Variants in RHEB observed in about 807,000 individuals in gnomAD.
RHEB encodes the protein Ras homolog, mTORC1 binding, also known as GTP-binding protein Rheb.
A neutral mutation model predicts 28.8 loss-of-function variants in RHEB; 2 were observed. That is an observed-to-expected ratio of 0.07 (90% confidence interval 0.03 to 0.22). The LOEUF (loss-of-function observed/expected upper bound fraction) is 0.22. RHEB is among the 10% of genes least tolerant of loss of function. RHEB has a pLI of 1.00. For synonymous variants in RHEB, 69 were observed against 77.3 expected (o/e 0.89, Z 0.56); for missense variants, 76 against 219.9 (o/e 0.35, Z 4.14).
Position 151,466,304 on chromosome 7 carries a change from T to C in RHEB, c.*815A>G, listed in dbSNP as rs1380217054. On this transcript the variant is annotated 3_prime_UTR_variant, in exon 8 of 8. Coordinates refer to ENST00000262187, the MANE Select transcript of RHEB (RefSeq NM_005614.4). ...GTTCTAGGACAGTGACAGGCAAGGC[T>C]GTTCTCAATCATCTCCTGTCTGACA... is the stretch of plus-strand genomic sequence containing the variant. The C allele has an allele frequency of 6.6e-6, 1 of 152,272 alleles. No individual in the cohort carries two copies. Among genetic ancestry groups the C allele is most frequent in the African/African-American group, 2.4e-5 (1 of 41,464 alleles). The allele number at this position is 152,272 out of a possible 1,614,324, so 9.4% of individuals were successfully genotyped here.
chr7:151,501,798 G>C, intron 1 of RHEB: 1 of 350,178 alleles, frequency 2.9e-6, no homozygotes, highest in Non-Finnish European at 5.5e-6. Context: ...AACACATGCA[G>C]TTGCCTGGTC....
chr7:151,492,324 GTGGTTGC>G (rs1441035095), intron 1 of RHEB, among the ~76,000 whole-genome samples: 1 of 152,144 alleles, frequency 6.6e-6, no homozygotes, highest in Non-Finnish European at 1.5e-5. Flanking sequence ...CTTAAAAGTA[GTGGTTGC>G]TGGCCGGGTG....
intron 2 of RHEB, among the ~76,000 whole-genome samples, chr7:151,489,467 C>A (rs1336897615): frequency 6.6e-6 from 1 of 152,198 alleles, no homozygotes; most frequent in Non-Finnish European, 1.5e-5. Flanking sequence ...AGGTTACTTT[C>A]AAAAATATTC....
At chr7:151,477,448 T>C in intron 3 of RHEB, 33 bp from the exon 4 acceptor site, 1 of 1,244,652 alleles carries the variant, frequency 8.0e-7, no homozygotes. Context: ...TTGAGTAGTC[T>C]TCATATAGCA....
chr7:151,484,023 A>G (rs1802424039), intron 3 of RHEB, among the ~76,000 whole-genome samples: 2 of 152,166 alleles, frequency 1.3e-5, no homozygotes, highest in Admixed American at 6.5e-5. Context: ...TATCAAATAA[A>G]TTGAAACTCC....
chr7:151,504,361 C>G (rs906557072), intron 1 of RHEB, among the ~76,000 whole-genome samples: 1 of 152,124 alleles, frequency 6.6e-6, no homozygotes, highest in African/African-American at 2.4e-5. Context: ...CCTTGGTATA[C>G]AAGGGGGACT....
chr7:151,466,898 A>T lies in RHEB; in HGVS notation c.*221T>A. The stretch of plus-strand genomic sequence containing the variant: ...TGGTCATAATATTAAGAAATACAAT[A>T]TATAAATTGAAAATATGATTGCTTA... On this transcript the variant is annotated 3_prime_UTR_variant, in exon 8 of 8. Coordinates refer to ENST00000262187, the MANE Select transcript of RHEB (RefSeq NM_005614.4). 1.1e-5 allele frequency: 5 copies of T among 452,276 alleles called. No individual in the cohort carries two copies. Among genetic ancestry groups the T allele is most frequent in the Non-Finnish European group, 1.2e-5 (3 of 251,108 alleles). 28.0% of individuals were successfully genotyped at this position (452,276 alleles called of 1,614,324 possible).
intron 2 of RHEB, 38 bp downstream of exon 2, chr7:151,490,905 G>A (rs764996805): frequency 6.9e-7 from 1 of 1,444,952 alleles, no homozygotes; most frequent in Non-Finnish European, 9.8e-7. Context: ...CACAAAAGAA[G>A]GCTTCTCAGT....
At position 151,472,632 on chromosome 7, in the gene RHEB, G is replaced by A. The variant is rs1197307548; in HGVS notation, c.276-1027C>T. Among the ~76,000 whole-genome samples the A allele has an allele frequency of 6.6e-6, 1 of 151,892 alleles. No individual in the cohort carries two copies. The highest frequency in any genetic ancestry group is 1.5e-5 in the Non-Finnish European group (1 of 67,998). On this transcript the variant is annotated intron_variant, in intron 4 of 7. Coordinates refer to ENST00000262187, the MANE Select transcript of RHEB (RefSeq NM_005614.4). This position sits in a 1 kb window ranked among gnomAD's most constrained non-coding sequence, Gnocchi z 5.2. ...CCCCTTCCGTACTTTATTTTTCTTG[G>A]CAGCATGGTCACAGACATCCTATCT...
intron 2 of RHEB, among the ~76,000 whole-genome samples, chr7:151,490,160 G>A (rs1802553657): frequency 6.6e-6 from 1 of 152,182 alleles, no homozygotes; most frequent in Non-Finnish European, 1.5e-5. Context: ...TCTCAAAGCT[G>A]GGCACAGTGT....
At chr7:151,480,219 T>C (rs183968935) in intron 3 of RHEB, among the ~76,000 whole-genome samples, 1 of 152,262 alleles carries the variant, frequency 6.6e-6, no homozygotes, top group Admixed American at 6.5e-5. Context: ...GGATGTTCAT[T>C]AAGGGACTGC....
rs73478507 is a variant in RHEB, at chr7:151,496,588, A to G, written c.53-5574T>C. Among the ~76,000 whole-genome samples the G allele has an allele frequency of 5.3e-3, 803 of 152,200 alleles. 8 individuals are homozygous for G. The highest frequency in any genetic ancestry group is 0.018 in the African/African-American group (760 of 41,508). On this transcript the variant is annotated intron_variant, in intron 1 of 7. Transcript: ENST00000262187. ...GGTCACAATGTAAAATGTGTTTCTT[A>G]CTAAGGTGGCTACAGACGAAAAGGT...
intron 6 of RHEB, 111 bp from the exon 7 acceptor site, chr7:151,470,763 C>A: frequency 1.5e-6 from 1 of 682,274 alleles, no homozygotes; most frequent in Non-Finnish European, 2.5e-6. Context: ...TCTCATGAAG[C>A]AGAACCATGC....
chr7:151,485,937 G>A (rs796116948), intron 2 of RHEB, among the ~76,000 whole-genome samples: 6 of 152,284 alleles, frequency 3.9e-5, no homozygotes, highest in African/African-American at 1.4e-4. Context: ...TACCTGTTCC[G>A]GAAGTTATCA....
At chr7:151,487,678 GAGAT>G (rs1292790739) in intron 2 of RHEB, among the ~76,000 whole-genome samples, 1 of 152,162 alleles carries the variant, frequency 6.6e-6, no homozygotes, top group Non-Finnish European at 1.5e-5. Context: ...GGTATAATAA[GAGAT>G]AGGATAGACT....
intron 2 of RHEB, among the ~76,000 whole-genome samples, chr7:151,487,515 G>T (rs3753150): frequency 0.017 from 2,548 of 148,198 alleles, 54 homozygotes; most frequent in East Asian, 0.11. Context: ...ATTGTACATA[G>T]TGTATAAAAG....
intron 3 of RHEB, among the ~76,000 whole-genome samples, chr7:151,484,362 GC>G (rs1185155139): frequency 6.6e-6 from 1 of 152,116 alleles, no homozygotes; most frequent in East Asian, 1.9e-4. Context: ...TATATTTAAA[GC>G]AATTCTAAAG....
intron 3 of RHEB, among the ~76,000 whole-genome samples, chr7:151,479,535 T>C (rs1802339974): frequency 1.3e-5 from 2 of 151,922 alleles, no homozygotes; most frequent in Non-Finnish European, 2.9e-5. Context: ...ACAAAAAAAC[T>C]AGCTGGGCGT....
chr7:151,481,429 T>A (rs1044542427), intron 3 of RHEB, among the ~76,000 whole-genome samples: 7 of 152,312 alleles, frequency 4.6e-5, no homozygotes, highest in African/African-American at 1.7e-4. Flanking sequence ...AAATTTACTA[T>A]AGATTACTTT....
Sources: allele counts gnomAD v4.1 joint callset (sites outside exome capture counted in the v4.1 genomes callset), GRCh38; gene constraint gnomAD v4.1.1; non-coding constraint Gnocchi (gnomAD v3.1); transcripts MANE v1.5; gene names NCBI Gene and HGNC (gene_info 2026-07-23, HGNC 2026-07-21).